GAS7: variants seen among roughly 807,000 people sequenced by gnomAD.
GAS7 encodes the protein growth arrest-specific protein 7.
A neutral mutation model predicts 71.1 loss-of-function variants in GAS7; 28 were observed. That is an observed-to-expected ratio of 0.39 (90% confidence interval 0.29 to 0.54). The LOEUF is 0.54. GAS7 is among the 20% of genes least tolerant of loss of function. The pLI, the probability that GAS7 is intolerant of heterozygous loss-of-function variation, is 0.62. For synonymous variants in GAS7, 258 were observed against 245.8 expected (o/e 1.05, Z -0.46); for missense variants, 436 against 627.8 (o/e 0.69, Z 3.27).
intron 1 of GAS7, among the ~76,000 whole-genome samples, chr17:10,161,668 A>G (rs1281503262): frequency 6.6e-6 from 1 of 152,206 alleles, no homozygotes; most frequent in Non-Finnish European, 1.5e-5. Context: ...GTCATTAACT[A>G]TTACATTTAA....
At chr17:10,114,997 G>C (rs960453068) in intron 1 of GAS7, among the ~76,000 whole-genome samples, 1 of 152,196 alleles carries the variant, frequency 6.6e-6, no homozygotes, top group Non-Finnish European at 1.5e-5. Context: ...AACAGGCTGG[G>C]GGTCATGCTC....
chr17:10,190,384 T>A (rs1249261486), intron 1 of GAS7, among the ~76,000 whole-genome samples: 1 of 151,428 alleles, frequency 6.6e-6, no homozygotes, highest in Admixed American at 6.6e-5. Flanking sequence ...GGAGTTTGAG[T>A]CCAGCCTGAC....
At chr17:10,089,816 T>C (rs1234608250) in intron 1 of GAS7, among the ~76,000 whole-genome samples, 2 of 152,034 alleles carry the variant, frequency 1.3e-5, no homozygotes, top group African/African-American at 4.8e-5. Flanking sequence ...CAACATACAA[T>C]TGTTGTATTT....
At chr17:10,109,735 A>G (rs2073792508) in intron 1 of GAS7, among the ~76,000 whole-genome samples, 1 of 152,236 alleles carries the variant, frequency 6.6e-6, no homozygotes, top group East Asian at 1.9e-4. Flanking sequence ...CCTGGCCAAC[A>G]TAGCAAAACT....
chr17:9,921,805 A>C (rs1293447638), intron 11 of GAS7, among the ~76,000 whole-genome samples: 1 of 151,968 alleles, frequency 6.6e-6, no homozygotes, highest in African/African-American at 2.4e-5. Flanking sequence ...TAAAAATATA[A>C]AAAATTAGCC....
intron 8 of GAS7, among the ~76,000 whole-genome samples, chr17:9,935,134 G>A (rs2068352937): frequency 6.6e-6 from 1 of 152,200 alleles, no homozygotes; most frequent in Admixed American, 6.5e-5. Context: ...TGGGGAAGAT[G>A]GACTGTGTGG....
intron 11 of GAS7, among the ~76,000 whole-genome samples, chr17:9,921,157 CTT>C (rs962798348): frequency 1.5e-4 from 21 of 137,344 alleles, no homozygotes; most frequent in African/African-American, 1.9e-4. Flanking sequence ...GCATTTTTTT[CTT>C]TTTTTTTTTT....
chr17:10,102,699 C>T (rs1289351217), intron 1 of GAS7, among the ~76,000 whole-genome samples: 1 of 151,838 alleles, frequency 6.6e-6, no homozygotes, highest in Non-Finnish European at 1.5e-5. Flanking sequence ...CCAGGACACA[C>T]TCTATACCAA....
chr17:9,949,189 T>A (rs896881839), intron 5 of GAS7, among the ~76,000 whole-genome samples: 1 of 146,438 alleles, frequency 6.8e-6, no homozygotes, highest in African/African-American at 2.7e-5. Flanking sequence ...CCTGCTCAGC[T>A]CTTTGGGCAG....
intron 9 of GAS7, among the ~76,000 whole-genome samples, chr17:9,931,976 G>C (rs181592306): frequency 1.3e-5 from 2 of 152,338 alleles, no homozygotes; most frequent in Admixed American, 1.3e-4. Flanking sequence ...CACTAGGAAA[G>C]AGACAGGACC....
At chr17:9,921,320 C>A (rs1280364755) in intron 11 of GAS7, among the ~76,000 whole-genome samples, 1 of 151,936 alleles carries the variant, frequency 6.6e-6, no homozygotes, top group Non-Finnish European at 1.5e-5. Flanking sequence ...CCACCCCTGG[C>A]TAGTTTTTGT....
intron 1 of GAS7, among the ~76,000 whole-genome samples, chr17:10,129,743 T>C (rs756622529): frequency 6.6e-5 from 10 of 151,946 alleles, no homozygotes; most frequent in Non-Finnish European, 1.3e-4. Context: ...GGGAGAAAAA[T>C]TTTGCAAACC....
intron 4 of GAS7, among the ~76,000 whole-genome samples, chr17:9,962,239 TAC>T (rs58521200): frequency 0.015 from 2,280 of 148,520 alleles, 22 homozygotes; most frequent in Non-Finnish European, 0.022. Context: ...GTGCATTTTA[TAC>T]ACACACACAC....
At chr17:9,945,957 C>T (rs1367313307) in intron 6 of GAS7, among the ~76,000 whole-genome samples, 1 of 152,080 alleles carries the variant, frequency 6.6e-6, no homozygotes, top group African/African-American at 2.4e-5. Flanking sequence ...GCACTCCAGC[C>T]TGGGTGAGAC....
chr17:9,954,244 C>T (rs1053797051), intron 5 of GAS7, among the ~76,000 whole-genome samples: 2 of 152,160 alleles, frequency 1.3e-5, no homozygotes, highest in East Asian at 3.9e-4. Context: ...GTGCTTCTGG[C>T]TGCTCCTGAG....
At chr17:9,976,478 T>G (rs1046440908) in intron 3 of GAS7, among the ~76,000 whole-genome samples, 2 of 152,230 alleles carry the variant, frequency 1.3e-5, no homozygotes, top group Non-Finnish European at 2.9e-5. Context: ...CTTCCTGATC[T>G]GGAGAAGAAG....
intron 1 of GAS7, among the ~76,000 whole-genome samples, chr17:10,033,329 C>CAG (rs139246460): frequency 1.4e-4 from 21 of 151,100 alleles, no homozygotes; most frequent in Admixed American, 4.0e-4. Context: ...TGGTATGGCC[C>CAG]AGAGAGAGAG....
intron 1 of GAS7, among the ~76,000 whole-genome samples, chr17:10,168,397 T>C (rs2142128068): frequency 6.6e-6 from 1 of 152,364 alleles, no homozygotes; most frequent in Middle Eastern, 3.4e-3. Flanking sequence ...TGAAGGTGGC[T>C]TTAGAATAAT....
intron 8 of GAS7, among the ~76,000 whole-genome samples, chr17:9,936,489 A>G (rs1052373272): frequency 1.3e-5 from 2 of 152,144 alleles, no homozygotes; most frequent in Non-Finnish European, 2.9e-5. Flanking sequence ...TCCCCCACCC[A>G]ACACAACGTC....
Sources: allele counts gnomAD v4.1 joint callset (sites outside exome capture counted in the v4.1 genomes callset), GRCh38; gene constraint gnomAD v4.1.1; transcripts MANE v1.5; gene names NCBI Gene and HGNC (gene_info 2026-07-23, HGNC 2026-07-21).